RAB38: variants seen among roughly 807,000 people sequenced by gnomAD.
The protein encoded by RAB38 is ras-related protein Rab-38.
Under a neutral mutation model 18.4 loss-of-function variants are expected in RAB38, and 15 were observed. The ratio of observed to expected loss-of-function variants is 0.82; its 90% CI spans 0.55 to 1.26. The LOEUF (loss-of-function observed/expected upper bound fraction) is 1.26. Among genes scored for constraint, RAB38 ranks in the 50% most tolerant of loss-of-function variants. RAB38 has a pLI of 0.00. For missense variants in RAB38, 294 were observed against 267.4 expected, an observed-to-expected ratio of 1.10 and a Z score of -0.69; for synonymous variants, 101 against 104.4, an observed-to-expected ratio of 0.97 and a Z score of 0.20.
At chr11:87,953,018 A>C in the RAB38 span, among the ~76,000 whole-genome samples, 1 of 152,136 alleles carries the variant, frequency 6.6e-6, no homozygotes, top group Non-Finnish European at 1.5e-5. Flanking sequence ...AATTTTAATA[A>C]CTTTTTAAAA....
At chr11:87,894,246 A>G in the RAB38 span, among the ~76,000 whole-genome samples, 1 of 151,690 alleles carries the variant, frequency 6.6e-6, no homozygotes, top group Non-Finnish European at 1.5e-5. Flanking sequence ...ACTAAATAAG[A>G]GGGCCAATCA....
chr11:88,052,332 T>C, the RAB38 span, among the ~76,000 whole-genome samples: 1 of 152,226 alleles, frequency 6.6e-6, no homozygotes, highest in Non-Finnish European at 1.5e-5. Flanking sequence ...ATATTTATGC[T>C]GTCCGTCCCA....
the RAB38 span, among the ~76,000 whole-genome samples, chr11:88,096,759 AT>A: frequency 1.3e-5 from 2 of 151,890 alleles, no homozygotes; most frequent in Non-Finnish European, 2.9e-5. Flanking sequence ...AAAATATTCT[AT>A]TTGTGGTAAG....
chr11:88,034,560 T>C, the RAB38 span, among the ~76,000 whole-genome samples: 1 of 152,218 alleles, frequency 6.6e-6, no homozygotes, highest in South Asian at 2.1e-4. Flanking sequence ...TGTTATGACA[T>C]CTTATTGTAG....
chr11:88,080,570 G>A, the RAB38 span, among the ~76,000 whole-genome samples: 11 of 151,614 alleles, frequency 7.3e-5, no homozygotes, highest in Admixed American at 2.0e-4. Flanking sequence ...GAAAAAAGAA[G>A]GATCCAGAAT....
the RAB38 span, among the ~76,000 whole-genome samples, chr11:87,919,742 T>C: frequency 6.6e-6 from 1 of 152,046 alleles, no homozygotes; most frequent in African/African-American, 2.4e-5. Context: ...GATTTTTCTG[T>C]GATGGGAGAA....
the RAB38 span, among the ~76,000 whole-genome samples, chr11:88,037,489 C>T: frequency 6.6e-6 from 1 of 152,044 alleles, no homozygotes; most frequent in Non-Finnish European, 1.5e-5. Flanking sequence ...TTTGAGCACT[C>T]TTGGAAGTGC....
intron 2 of RAB38, chr11:88,115,915 G>C (rs1942544911): frequency 6.6e-6 from 1 of 152,164 alleles, no homozygotes. Context: ...TGTTATTATT[G>C]TTGGGGTAAG....
intron 2 of RAB38, among the ~76,000 whole-genome samples, chr11:88,117,017 C>G (rs1222254145): frequency 6.6e-6 from 1 of 152,126 alleles, no homozygotes; most frequent in East Asian, 1.9e-4. Context: ...TATAAGATAA[C>G]ACTGTTTAAA....
intron 2 of RAB38, among the ~76,000 whole-genome samples, chr11:88,114,796 G>A (rs966486935): frequency 6.6e-4 from 100 of 152,290 alleles, no homozygotes; most frequent in South Asian, 6.2e-4. Context: ...TTTGGATAAG[G>A]TCTGTGAGTG....
intron 2 of RAB38, among the ~76,000 whole-genome samples, chr11:88,141,203 A>G (rs145416460): frequency 1.2e-3 from 176 of 152,218 alleles, no homozygotes; most frequent in African/African-American, 4.0e-3. Context: ...GGCACAAGAC[A>G]TATTTTTTGA....
the RAB38 span, among the ~76,000 whole-genome samples, chr11:88,059,687 A>G: frequency 2.6e-5 from 4 of 152,156 alleles, no homozygotes; most frequent in African/African-American, 4.8e-5. Context: ...AGTCTGTTAC[A>G]CTGAACAAGA....
the RAB38 span, among the ~76,000 whole-genome samples, chr11:88,040,314 C>T: frequency 6.6e-6 from 1 of 152,168 alleles, no homozygotes; most frequent in Non-Finnish European, 1.5e-5. Flanking sequence ...CTCACATGGC[C>T]TCTGCAGATA....
chr11:88,152,562 A>T (rs899435682), intron 1 of RAB38, among the ~76,000 whole-genome samples: 1 of 152,114 alleles, frequency 6.6e-6, no homozygotes, highest in Non-Finnish European at 1.5e-5. Flanking sequence ...TGGAAAGTTT[A>T]TATTTTTGGC....
the RAB38 span, among the ~76,000 whole-genome samples, chr11:87,949,494 T>G: frequency 9.8e-5 from 15 of 152,372 alleles, no homozygotes; most frequent in Non-Finnish European, 2.1e-4. Context: ...GGTGTCAATT[T>G]TAGATCTTTC....
chr11:87,974,823 A>T, the RAB38 span, among the ~76,000 whole-genome samples: 2 of 151,944 alleles, frequency 1.3e-5, no homozygotes, highest in Non-Finnish European at 2.9e-5. Flanking sequence ...GTAACCATTT[A>T]AAAGCACTCA....
chr11:87,835,001 G>T, the RAB38 span, among the ~76,000 whole-genome samples: 1 of 152,234 alleles, frequency 6.6e-6, no homozygotes, highest in Non-Finnish European at 1.5e-5. Flanking sequence ...TGCCCATTAT[G>T]CAGTTTGTTC....
the RAB38 span, among the ~76,000 whole-genome samples, chr11:87,906,343 G>T: frequency 6.6e-6 from 1 of 151,830 alleles, no homozygotes; most frequent in African/African-American, 2.4e-5. Context: ...TGAAACTTTT[G>T]GATGGAGTAA....
the RAB38 span, among the ~76,000 whole-genome samples, chr11:88,036,985 C>T: frequency 6.6e-6 from 1 of 151,810 alleles, no homozygotes; most frequent in Non-Finnish European, 1.5e-5. Flanking sequence ...GCTTAGTTAT[C>T]AATATTACAT....
Sources: gnomAD v4.1 joint callset for allele counts (sites outside exome capture counted in the v4.1 genomes callset) on GRCh38, gnomAD v4.1.1 for gene constraint, MANE v1.5 for transcripts, NCBI Gene and HGNC (gene_info 2026-07-23, HGNC 2026-07-21) for gene names.